Variants in SCGB2B2 observed in about 807,000 individuals in gnomAD.
SCGB2B2 encodes secretoglobin-like protein.
SCGB2B2 carries 11 observed loss-of-function variants against 7.6 expected under a neutral mutation model. The ratio of observed to expected loss-of-function variants is 1.45; its 90% CI spans 0.91 to 2.40. The LOEUF (loss-of-function observed/expected upper bound fraction) is 2.40, where lower values mean the gene tolerates loss of function less well. SCGB2B2 is among the 30% of genes most tolerant of loss of function. SCGB2B2 has a pLI of 0.00. For synonymous variants in SCGB2B2, 50 were observed against 48.6 expected (o/e 1.03, Z -0.12); for missense variants, 104 against 115.4 (o/e 0.90, Z 0.45).
chr19:34,642,573 G>A lies in SCGB2B2; in HGVS notation c.-2032+33057C>T, dbSNP rs143609686. On this transcript the variant is annotated intron_variant, in intron 1 of 3. Coordinates refer to ENST00000601241, the MANE Select transcript of SCGB2B2 (RefSeq NM_001025591.4). The stretch of plus-strand genomic sequence containing the variant: ...TACTAAAAATACAAAAAAATTAGCC[G>A]GGCATGGTGGCGGGTCCTTGTAATC... 6.4e-3 allele frequency among the ~76,000 whole-genome samples: 973 copies of A among 151,748 alleles called. 4 individuals carry two copies. Among genetic ancestry groups the A allele is most frequent in the African/African-American group, 0.02 (818 of 41,374 alleles).
intron 1 of SCGB2B2, among the ~76,000 whole-genome samples, chr19:34,602,133 AG>A (rs1232692861): frequency 2.0e-5 from 3 of 152,220 alleles, no homozygotes; most frequent in Non-Finnish European, 2.9e-5. Flanking sequence ...CTGTCTTCTA[AG>A]AGCATTTTTT....
At chr19:34,649,641 G>A (rs1288909556) in intron 1 of SCGB2B2, among the ~76,000 whole-genome samples, 2 of 152,108 alleles carry the variant, frequency 1.3e-5, no homozygotes. Context: ...TTGAGGTCAG[G>A]AGTTCGAGAC....
intron 1 of SCGB2B2, among the ~76,000 whole-genome samples, chr19:34,649,702 A>G (rs2067114403): frequency 6.6e-6 from 1 of 151,816 alleles, no homozygotes; most frequent in African/African-American, 2.4e-5. Context: ...TACCAAAAAA[A>G]TTTTAGCTGG....
chr19:34,640,690 A>T (rs1040066409), intron 1 of SCGB2B2: 1 of 152,178 alleles, frequency 6.6e-6, no homozygotes, highest in Admixed American at 6.5e-5. Context: ...ATGTTGTGCC[A>T]CCATCACCAC....
rs1376663966 is a variant in SCGB2B2, at chr19:34,651,345, A to G, written c.-2032+24285T>C. On this transcript the variant is annotated intron_variant, in intron 1 of 3. Transcript: ENST00000601241. ...GAGGACACGATCTTATGTACAGAAA[A>G]CCCCTAAAGCACCACCAAAAATCTC... Among the ~76,000 whole-genome samples, 3 of 150,820 alleles carry G rather than the reference A, an allele frequency of 2.0e-5. No homozygotes were observed. In the East Asian group the frequency reaches 5.8e-4, roughly 29 times the overall value.
At position 34,591,143 on chromosome 19, in the gene SCGB2B2, C is replaced by A. The variant is rs117230682; in HGVS notation, c.*2412G>T. ...CTCCAAACTAGAGCGTCTCACACCC[C>A]CTGTGTCCCGTCCTCCTGGATAGCT... is the stretch of plus-strand genomic sequence containing the variant. On this transcript the variant is annotated 3_prime_UTR_variant, in exon 4 of 4. Transcript: ENST00000601241. Among the ~76,000 whole-genome samples the A allele has an allele frequency of 0.016, 2,466 of 152,296 alleles. 43 individuals are homozygous for A. Among genetic ancestry groups the A allele is most frequent in the East Asian group, 0.088 (456 of 5,184 alleles).
At chr19:34,644,278 C>T (rs532604747) in intron 1 of SCGB2B2, among the ~76,000 whole-genome samples, 1 of 152,168 alleles carries the variant, frequency 6.6e-6, no homozygotes, top group African/African-American at 2.4e-5. Flanking sequence ...AAGAGATCCT[C>T]CTGCCTCAGC....
chr19:34,627,475 G>A (rs896939319), intron 1 of SCGB2B2, among the ~76,000 whole-genome samples: 14 of 151,916 alleles, frequency 9.2e-5, no homozygotes, highest in African/African-American at 2.9e-4. Flanking sequence ...TCCTAGTCTC[G>A]GATAAAACAG....
intron 1 of SCGB2B2, among the ~76,000 whole-genome samples, chr19:34,647,245 C>T (rs1373951320): frequency 6.6e-6 from 1 of 152,200 alleles, no homozygotes; most frequent in Non-Finnish European, 1.5e-5. Context: ...GGCATGGTGC[C>T]TCTGTCCCAC....
intron 1 of SCGB2B2, among the ~76,000 whole-genome samples, chr19:34,672,171 G>A (rs2067819307): frequency 6.6e-6 from 1 of 151,650 alleles, no homozygotes; most frequent in Admixed American, 6.6e-5. Flanking sequence ...AATAAACTAT[G>A]TAGTATCTAG....
chr19:34,637,177 A>G (rs2066706249), intron 1 of SCGB2B2, among the ~76,000 whole-genome samples: 1 of 152,142 alleles, frequency 6.6e-6, no homozygotes, highest in Admixed American at 6.5e-5. Flanking sequence ...AGGTACAATG[A>G]TTCTGCATAG....
chr19:34,666,370 T>C (rs2067621859), intron 1 of SCGB2B2, among the ~76,000 whole-genome samples: 2 of 151,760 alleles, frequency 1.3e-5, no homozygotes, highest in South Asian at 4.2e-4. Context: ...CGCATTCTAC[T>C]CACACACACA....
At chr19:34,630,272 T>G (rs1344378254) in intron 1 of SCGB2B2, among the ~76,000 whole-genome samples, 1 of 151,836 alleles carries the variant, frequency 6.6e-6, no homozygotes, top group Non-Finnish European at 1.5e-5. Flanking sequence ...TGGGATCTAA[T>G]TAAACTAAAG....
chr19:34,618,351 A>G (rs2066147339), intron 1 of SCGB2B2, among the ~76,000 whole-genome samples: 1 of 152,246 alleles, frequency 6.6e-6, no homozygotes, highest in Non-Finnish European at 1.5e-5. Context: ...TCTGTTGAAC[A>G]GCAGATTAAT....
intron 1 of SCGB2B2, among the ~76,000 whole-genome samples, chr19:34,626,262 G>A (rs556143635): frequency 6.6e-6 from 1 of 152,326 alleles, no homozygotes; most frequent in Admixed American, 6.5e-5. Flanking sequence ...GACGGAGAGT[G>A]ACTTTGACGA....
At chr19:34,672,009 T>C (rs190390788) in intron 1 of SCGB2B2, among the ~76,000 whole-genome samples, 208 of 152,320 alleles carry the variant, frequency 1.4e-3, no homozygotes, top group African/African-American at 4.8e-3. Context: ...GTTGTGGTGG[T>C]GCACTCCCAT....
chr19:34,593,737 A>C (rs2065360455), intron 3 of SCGB2B2, 138 bp from the exon 4 acceptor site: 2 of 679,210 alleles, frequency 2.9e-6, no homozygotes, highest in Non-Finnish European at 5.1e-6. Context: ...CTCTGGACAA[A>C]GATGGTGGAT....
At chr19:34,669,005 A>G (rs1250355318) in intron 1 of SCGB2B2, among the ~76,000 whole-genome samples, 1 of 152,122 alleles carries the variant, frequency 6.6e-6, no homozygotes, top group African/African-American at 2.4e-5. Context: ...GCTCTTTACA[A>G]TAAATCTTGC....
intron 1 of SCGB2B2, among the ~76,000 whole-genome samples, chr19:34,626,019 G>A (rs985794158): frequency 1.3e-5 from 2 of 152,196 alleles, no homozygotes; most frequent in African/African-American, 4.8e-5. Context: ...GGTCTGGAGT[G>A]GACCTCCAGC....
Sources: gnomAD v4.1 joint callset for allele counts (sites outside exome capture counted in the v4.1 genomes callset) on GRCh38, gnomAD v4.1.1 for gene constraint, MANE v1.5 for transcripts, NCBI Gene and HGNC (gene_info 2026-07-23, HGNC 2026-07-21) for gene names.